Variants in TLL1 observed in about 807,000 individuals in gnomAD.
The protein encoded by TLL1 is tolloid-like protein 1.
A neutral mutation model predicts 128.2 loss-of-function variants in TLL1; 49 were observed. The ratio of observed to expected loss-of-function variants is 0.38; its 90% CI spans 0.30 to 0.48. The LOEUF (loss-of-function observed/expected upper bound fraction) is 0.48, where lower values mean the gene tolerates loss of function less well. Ranked by LOEUF, TLL1 falls within the 20% of genes least tolerant of loss-of-function variation. TLL1 has a pLI of 0.96. For synonymous variants in TLL1, 454 were observed against 418.8 expected (o/e 1.08, Z -1.03); for missense variants, 1,123 against 1,242.0 (o/e 0.90, Z 1.44).
chr4:165,984,215 TTTA>T (rs1336204292), intron 1 of TLL1, among the ~76,000 whole-genome samples: 1 of 151,910 alleles, frequency 6.6e-6, no homozygotes, highest in African/African-American at 2.4e-5. Flanking sequence ...TATGTTTGTA[TTTA>T]TTTTTCTATT....
intron 12 of TLL1, chr4:166,053,280 TG>T (rs936251796): frequency 7.9e-4 from 120 of 151,956 alleles, no homozygotes; most frequent in African/African-American, 2.8e-3. Flanking sequence ...AACTTCAGGG[TG>T]GTAAGGCCAT....
intron 19 of TLL1, among the ~76,000 whole-genome samples, chr4:166,093,489 G>A (rs534073931): frequency 6.6e-6 from 1 of 152,258 alleles, no homozygotes; most frequent in Non-Finnish European, 1.5e-5. Flanking sequence ...GCCATAGGGC[G>A]GTTTTTCTCT....
intron 1 of TLL1, among the ~76,000 whole-genome samples, chr4:165,927,692 C>T (rs192167006): frequency 1.4e-3 from 208 of 152,196 alleles, no homozygotes; most frequent in Non-Finnish European, 2.1e-3. Context: ...GGACATAAAG[C>T]AATGTCTGGA....
At chr4:165,896,194 G>A (rs1376289933) in intron 1 of TLL1, among the ~76,000 whole-genome samples, 1 of 152,058 alleles carries the variant, frequency 6.6e-6, no homozygotes, top group Non-Finnish European at 1.5e-5. Context: ...TTAGTTTTCT[G>A]TTCCTGTGTT....
chr4:165,987,743 G>A (rs1736452965), intron 1 of TLL1, among the ~76,000 whole-genome samples: 1 of 151,968 alleles, frequency 6.6e-6, no homozygotes, highest in South Asian at 2.1e-4. Context: ...GTTTTGCACT[G>A]GGTAAATAAT....
chr4:165,891,664 C>T (rs1225273887), intron 1 of TLL1, among the ~76,000 whole-genome samples: 1 of 152,186 alleles, frequency 6.6e-6, no homozygotes, highest in Admixed American at 6.5e-5. Context: ...ATCAACTCAG[C>T]CTGGACTTCA....
rs1376770155 is a variant in TLL1 at position 165,994,550 on chromosome 4, A to G, written c.514+17A>G. 2.5e-6 allele frequency: 4 copies of G among 1,613,474 alleles called. No homozygotes were observed. Among genetic ancestry groups the G allele is most frequent in the African/African-American group, 2.7e-5 (2 of 74,924 alleles). On this transcript the variant is annotated intron_variant, in intron 4 of 20. Transcript: ENST00000061240. Reference sequence around the variant, plus strand: ...ACTTCACTGGTAAGATACTCCCAGCATGTCTGTTTTCATAAAGAAATAAAA... The same window carrying G: ...ACTTCACTGGTAAGATACTCCCAGCGTGTCTGTTTTCATAAAGAAATAAAA...
chr4:166,054,657 T>C (rs1057487389), intron 12 of TLL1, among the ~76,000 whole-genome samples: 1 of 148,936 alleles, frequency 6.7e-6, no homozygotes, highest in Admixed American at 6.8e-5. Context: ...TGAGTGAGAA[T>C]ATGCAGCAAT....
chr4:165,939,871 T>C (rs1733927135), intron 1 of TLL1, among the ~76,000 whole-genome samples: 1 of 152,104 alleles, frequency 6.6e-6, no homozygotes, highest in Non-Finnish European at 1.5e-5. Flanking sequence ...AATATTCCTA[T>C]GGACTTCTTG....
At chr4:165,948,990 A>T (rs1249333170) in intron 1 of TLL1, among the ~76,000 whole-genome samples, 2 of 152,142 alleles carry the variant, frequency 1.3e-5, no homozygotes, top group Non-Finnish European at 2.9e-5. Context: ...GACTTTTCAG[A>T]TATAATTAAG....
intron 9 of TLL1, among the ~76,000 whole-genome samples, chr4:166,035,391 T>A (rs912661445): frequency 3.9e-5 from 6 of 152,162 alleles, no homozygotes; most frequent in African/African-American, 1.4e-4. Context: ...TAATAATACA[T>A]AAGAATCTTA....
At chr4:166,043,893 T>C (rs1049011912) in intron 12 of TLL1, among the ~76,000 whole-genome samples, 1 of 151,944 alleles carries the variant, frequency 6.6e-6, no homozygotes, top group African/African-American at 2.4e-5. Flanking sequence ...GCTTTCAACC[T>C]CGTTAAAAAT....
At chr4:166,060,292 T>TACAA in intron 15 of TLL1, 104 bp downstream of exon 15, 1 of 1,261,136 alleles carries the variant, frequency 7.9e-7, no homozygotes, top group Non-Finnish European at 1.1e-6. Context: ...AGTATAGACA[T>TACAA]TGTATTCTTT....
chr4:166,091,247 A>G lies in TLL1; in HGVS notation c.2562A>G (p.Pro854=), dbSNP rs190912356. Residue 854 remains proline, a synonymous_variant, in exon 19 of 21, where the codon CCA becomes CCG. Transcript: ENST00000061240. The part of the protein sequence containing the change: ...ILGRLCGNKI[P]DPLVATGNKM... Reference sequence around the variant, plus strand: ...GACGACTGTGTGGCAACAAGATACCAGATCCCCTTGTGGCTACTGGAAATA... The same window carrying G: ...GACGACTGTGTGGCAACAAGATACCGGATCCCCTTGTGGCTACTGGAAATA... 1.2e-6 allele frequency: 2 copies of G among 1,613,344 alleles called. No homozygotes were observed. The highest frequency in any genetic ancestry group is 4.5e-5 in the East Asian group (2 of 44,742).
At position 166,074,874 on chromosome 4, in the gene TLL1, C is replaced by T. The variant is rs752815168; in HGVS notation, c.2189-4C>T. On this transcript the variant is annotated splice_polypyrimidine_tract_variant and splice_region_variant and intron_variant, in intron 16 of 20. Transcript: ENST00000061240. ...CTAGACTATGGGATTGATCTCTTTGCTAGACAAAGATGAATGCTCTAAGGA... is the reference window on the plus strand; with the variant it reads ...CTAGACTATGGGATTGATCTCTTTGTTAGACAAAGATGAATGCTCTAAGGA... 5 of 1,613,042 alleles carry T rather than the reference C, an allele frequency of 3.1e-6. No individual in the cohort carries two copies. The highest frequency in any genetic ancestry group is 3.4e-6 in the Non-Finnish European group (4 of 1,179,318).
intron 12 of TLL1, among the ~76,000 whole-genome samples, chr4:166,045,182 T>A (rs1739407506): frequency 6.6e-6 from 1 of 152,214 alleles, no homozygotes; most frequent in Non-Finnish European, 1.5e-5. Flanking sequence ...TCCTGTCCTA[T>A]CTTCATATTA....
intron 6 of TLL1, among the ~76,000 whole-genome samples, chr4:166,007,040 C>T (rs538164365): frequency 4.9e-4 from 75 of 151,756 alleles, no homozygotes; most frequent in Non-Finnish European, 8.9e-4. Flanking sequence ...ATTCCTTTAG[C>T]TCATCTTTCT....
At chr4:166,100,225 T>A (rs1486123557) in intron 20 of TLL1, among the ~76,000 whole-genome samples, 1 of 152,166 alleles carries the variant, frequency 6.6e-6, no homozygotes, top group Non-Finnish European at 1.5e-5. Flanking sequence ...CAGTAGCTAT[T>A]GCTTCAGTAA....
chr4:165,929,641 T>C (rs1161743685), intron 1 of TLL1, among the ~76,000 whole-genome samples: 3 of 152,226 alleles, frequency 2.0e-5, no homozygotes, highest in Non-Finnish European at 4.4e-5. Flanking sequence ...GTTGGTTTCC[T>C]TTAGAAATAT....
Sources: gnomAD v4.1 joint callset for allele counts (sites outside exome capture counted in the v4.1 genomes callset) on GRCh38, gnomAD v4.1.1 for gene constraint, MANE v1.5 for transcripts, NCBI Gene and HGNC (gene_info 2026-07-23, HGNC 2026-07-21) for gene names.